Variants in MAP3K9 observed in about 807,000 individuals in gnomAD.
MAP3K9 encodes the protein mixed lineage kinase 1 (tyr and ser/thr specificity).
MAP3K9 carries 46 observed loss-of-function variants against 95.8 expected under a neutral mutation model. The observed-to-expected ratio is 0.48, with a 90% CI of 0.38 to 0.61. The LOEUF (loss-of-function observed/expected upper bound fraction) is 0.61, where lower values mean the gene tolerates loss of function less well. Ranked by LOEUF, MAP3K9 falls within the 20% of genes least tolerant of loss-of-function variation. The probability of loss-of-function intolerance (pLI) is 0.00; values close to 1 mark genes in which losing one functional copy is unlikely to be tolerated. For missense variants in MAP3K9, 1,296 were observed against 1,474.3 expected (o/e 0.88, Z 1.98); for synonymous variants, 533 against 593.8 (o/e 0.90, Z 1.49).
At chr14:70,759,759 C>T (rs981220828) in intron 3 of MAP3K9, among the ~76,000 whole-genome samples, 8 of 152,130 alleles carry the variant, frequency 5.3e-5, no homozygotes, top group African/African-American at 1.9e-4. Context: ...GACTTACATG[C>T]TTATTTACTT....
intron 3 of MAP3K9, among the ~76,000 whole-genome samples, chr14:70,758,888 G>A (rs1024311556): frequency 3.3e-5 from 5 of 151,822 alleles, no homozygotes; most frequent in Non-Finnish European, 5.9e-5. Flanking sequence ...TCAGTCTCCC[G>A]AGTAGCTGGG....
chr14:70,776,668 G>A (rs374522705), intron 2 of MAP3K9, among the ~76,000 whole-genome samples: 14 of 151,998 alleles, frequency 9.2e-5, no homozygotes, highest in African/African-American at 2.7e-4. Flanking sequence ...TATATTTGGC[G>A]CTAGCAGTAG....
intron 2 of MAP3K9, among the ~76,000 whole-genome samples, chr14:70,767,050 G>A (rs994223868): frequency 2.0e-5 from 3 of 152,080 alleles, no homozygotes; most frequent in Non-Finnish European, 4.4e-5. Context: ...CCTATGCCAT[G>A]TCCCCTTTAG....
intron 2 of MAP3K9, among the ~76,000 whole-genome samples, chr14:70,786,771 A>G (rs1186715120): frequency 6.6e-6 from 1 of 152,228 alleles, no homozygotes; most frequent in Non-Finnish European, 1.5e-5. Flanking sequence ...GGTTCCAGTA[A>G]GCTCTAATCA....
chr14:70,797,583 C>CA (rs1476609742), intron 2 of MAP3K9, among the ~76,000 whole-genome samples: 1 of 151,962 alleles, frequency 6.6e-6, no homozygotes, highest in Non-Finnish European at 1.5e-5. Flanking sequence ...ACTAAAAATA[C>CA]AAAAATTAGC....
chr14:70,796,372 C>T (rs2054864222), intron 2 of MAP3K9, among the ~76,000 whole-genome samples: 2 of 152,200 alleles, frequency 1.3e-5, no homozygotes, highest in Admixed American at 1.3e-4. Context: ...GTCTGAGCCA[C>T]ACGTCCCAGG....
intron 2 of MAP3K9, chr14:70,783,437 T>C (rs1018445449): frequency 3.1e-6 from 3 of 977,880 alleles, no homozygotes; most frequent in African/African-American, 1.8e-5. Context: ...TCAAAATTCC[T>C]CCCAAAAGAG....
chr14:70,795,440 T>C (rs2054854174), intron 2 of MAP3K9, among the ~76,000 whole-genome samples: 1 of 151,580 alleles, frequency 6.6e-6, no homozygotes, highest in Non-Finnish European at 1.5e-5. Context: ...TCCCAAGTAG[T>C]TGGGTCCACA....
intron 2 of MAP3K9, among the ~76,000 whole-genome samples, chr14:70,789,650 G>A (rs12590049): frequency 0.28 from 43,093 of 152,010 alleles, 6,418 homozygotes; most frequent in South Asian, 0.4. Context: ...CTCCCAAGGC[G>A]GTGTTTCTTC....
At chr14:70,789,866 T>C (rs1293419451) in intron 2 of MAP3K9, among the ~76,000 whole-genome samples, 1 of 152,216 alleles carries the variant, frequency 6.6e-6, no homozygotes, top group Non-Finnish European at 1.5e-5. Flanking sequence ...GTTCTTCCTG[T>C]TATTCTGCAG....
chr14:70,739,775 G>T (rs1594769343), intron 7 of MAP3K9: 2 of 1,103,050 alleles, frequency 1.8e-6, no homozygotes, highest in Non-Finnish European at 2.5e-6. Flanking sequence ...AAATTGCTTT[G>T]CAAACCACTA....
At chr14:70,746,354 C>A (rs2054146666) in intron 5 of MAP3K9, among the ~76,000 whole-genome samples, 1 of 152,226 alleles carries the variant, frequency 6.6e-6, no homozygotes. Flanking sequence ...ACACCATTCA[C>A]CTGGAGGACC....
chr14:70,798,340 T>G (rs1320543142), intron 2 of MAP3K9, among the ~76,000 whole-genome samples: 1 of 152,002 alleles, frequency 6.6e-6, no homozygotes, highest in South Asian at 2.1e-4. Context: ...TTACAGTACT[T>G]TGCCTACTTC....
At position 70,730,731 on chromosome 14, in the gene MAP3K9, A is replaced by T; in HGVS notation, c.2964T>A (p.Thr988=). 6.2e-7 allele frequency: 1 copy of T among 1,613,544 alleles called. No individual in the cohort carries two copies. The highest frequency in any genetic ancestry group is 8.5e-7 in the Non-Finnish European group (1 of 1,179,978). ...GACGCGGCCGAGGCAGAAACTCCAG[A>T]GTCTTGGGTCTCTCCAAGGTAGAGT... is the stretch of plus-strand genomic sequence containing the variant. ...QQDSTLERPK[T]LEFLPRPRPS... Residue 988 remains threonine (T), a synonymous_variant, in exon 12 of 12, where the codon ACT becomes ACA. Transcript: ENST00000554752.
chr14:70,752,626 T>A (rs1158538055), intron 3 of MAP3K9, among the ~76,000 whole-genome samples: 1 of 152,184 alleles, frequency 6.6e-6, no homozygotes, highest in East Asian at 1.9e-4. Flanking sequence ...TGCTTGCTCT[T>A]GGAATAAATG....
rs577465108 is a variant in MAP3K9 at position 70,768,576 on chromosome 14, T to C, written c.821-7394A>G. On this transcript the variant is annotated intron_variant, in intron 2 of 11. Coordinates refer to ENST00000554752, the MANE Select transcript of MAP3K9 (RefSeq NM_001284230.2). ...ACACAAAAAAGCTGAATGACTTTCT[T>C]TGGGATTCAATGTTGCTTAATGCAG... is the stretch of plus-strand genomic sequence containing the variant. 2.5e-4 allele frequency among the ~76,000 whole-genome samples: 38 copies of C among 152,270 alleles called. 1 individual carries two copies. Among genetic ancestry groups the C allele is most frequent in the East Asian group, 7.7e-4 (4 of 5,180 alleles).
intron 7 of MAP3K9, 102 bp from the exon 8 acceptor site, chr14:70,738,500 A>G: frequency 9.2e-7 from 1 of 1,082,150 alleles, no homozygotes; most frequent in Non-Finnish European, 1.3e-6. Flanking sequence ...TTGGAGCTGC[A>G]GGGAAGTTAG....
chr14:70,741,511 A>G (rs1435261957), intron 6 of MAP3K9, among the ~76,000 whole-genome samples: 3 of 152,146 alleles, frequency 2.0e-5, no homozygotes, highest in Non-Finnish European at 2.9e-5. Flanking sequence ...TATATTACAC[A>G]CCACAAAGAT....
intron 1 of MAP3K9, among the ~76,000 whole-genome samples, chr14:70,805,456 G>A (rs1043804365): frequency 3.3e-5 from 5 of 152,158 alleles, no homozygotes; most frequent in Non-Finnish European, 5.9e-5. Context: ...AAATAAAGAC[G>A]ATGGATGAGC....
Sources: gnomAD v4.1 joint callset for allele counts (sites outside exome capture counted in the v4.1 genomes callset) on GRCh38, gnomAD v4.1.1 for gene constraint, MANE v1.5 for transcripts, NCBI Gene and HGNC (gene_info 2026-07-23, HGNC 2026-07-21) for gene names.